The following SYN3 variants were observed in gnomAD, a reference collection of about 807,000 sequenced individuals.
SYN3 encodes synapsin-3.
In SYN3, 35 loss-of-function variants were observed where a neutral mutation model predicts 65.8. The ratio of observed to expected loss-of-function variants is 0.53; its 90% CI spans 0.41 to 0.70. The LOEUF (loss-of-function observed/expected upper bound fraction) is 0.70, where lower values mean the gene tolerates loss of function less well. Among genes scored for constraint, SYN3 ranks in the 30% least tolerant of loss-of-function variants. SYN3 has a pLI of 0.00. For missense variants in SYN3, 680 were observed against 749.0 expected, an observed-to-expected ratio of 0.91 and a Z score of 1.08; for synonymous variants, 270 against 292.9, an observed-to-expected ratio of 0.92 and a Z score of 0.80.
intron 13 of SYN3, among the ~76,000 whole-genome samples, chr22:32,514,812 C>T (rs1021629945): frequency 1.3e-5 from 2 of 152,144 alleles, no homozygotes; most frequent in African/African-American, 2.4e-5. Flanking sequence ...GTCAGGAGAT[C>T]GAGACCATCC....
intron 7 of SYN3, among the ~76,000 whole-genome samples, chr22:32,569,549 C>CAA (rs1569048181): frequency 0.011 from 663 of 60,044 alleles, 6 homozygotes; most frequent in African/African-American, 0.058. Context: ...CTCTCTCTCT[C>CAA]TCTCTCTCTC....
intron 7 of SYN3, among the ~76,000 whole-genome samples, chr22:32,553,886 C>T (rs2058452141): frequency 6.6e-6 from 1 of 152,262 alleles, no homozygotes; most frequent in African/African-American, 2.4e-5. Flanking sequence ...TACAGTTGGG[C>T]TGTATGGGAG....
intron 4 of SYN3, among the ~76,000 whole-genome samples, chr22:32,876,778 T>C (rs1253823961): frequency 1.3e-5 from 2 of 152,196 alleles, no homozygotes; most frequent in African/African-American, 4.8e-5. Flanking sequence ...TAAAGCACTG[T>C]AAAAATGACA....
At chr22:32,608,067 A>G (rs2059394330) in intron 6 of SYN3, among the ~76,000 whole-genome samples, 1 of 152,170 alleles carries the variant, frequency 6.6e-6, no homozygotes, top group African/African-American at 2.4e-5. Context: ...CCTTTTAAAA[A>G]AAGTATTTAT....
chr22:33,051,570 A>C (rs989087669), intron 1 of SYN3, among the ~76,000 whole-genome samples: 2 of 152,180 alleles, frequency 1.3e-5, no homozygotes, highest in Non-Finnish European at 2.9e-5. Flanking sequence ...CACAAACAAA[A>C]AAAAAATCAC....
intron 2 of SYN3, among the ~76,000 whole-genome samples, chr22:32,992,638 C>A (rs1165905420): frequency 6.6e-6 from 1 of 152,116 alleles, no homozygotes; most frequent in African/African-American, 2.4e-5. Context: ...TATAGTGGAA[C>A]CCCGTCCCTA....
intron 6 of SYN3, among the ~76,000 whole-genome samples, chr22:32,773,471 G>C (rs1272266192): frequency 1.3e-5 from 2 of 151,286 alleles, no homozygotes; most frequent in Admixed American, 6.6e-5. Context: ...AGCTTCAGTA[G>C]GTTCTTGCTG....
chr22:32,569,557 C>CTGTATA (rs1401047566), intron 7 of SYN3, among the ~76,000 whole-genome samples: 1 of 76,594 alleles, frequency 1.3e-5, no homozygotes, highest in African/African-American at 4.3e-5. Context: ...CTCTCTCTCT[C>CTGTATA]TCTCTCTCTC....
chr22:32,618,409 G>C (rs1304464136), intron 6 of SYN3, among the ~76,000 whole-genome samples: 1 of 152,166 alleles, frequency 6.6e-6, no homozygotes, highest in Non-Finnish European at 1.5e-5. Flanking sequence ...GTTTGTCTAT[G>C]AATGTGTCAG....
At chr22:32,599,644 C>T (rs971591753) in intron 6 of SYN3, among the ~76,000 whole-genome samples, 1 of 152,104 alleles carries the variant, frequency 6.6e-6, no homozygotes, top group Non-Finnish European at 1.5e-5. Context: ...TCTTGACTCT[C>T]CATCAAGCAC....
At chr22:32,615,078 G>A (rs976162772) in intron 6 of SYN3, among the ~76,000 whole-genome samples, 3 of 152,144 alleles carry the variant, frequency 2.0e-5, no homozygotes, top group Admixed American at 2.0e-4. Context: ...GTGCTGATGT[G>A]CGTTTAACTC....
intron 3 of SYN3, among the ~76,000 whole-genome samples, chr22:32,970,082 A>AC (rs2051971466): frequency 6.6e-6 from 1 of 152,232 alleles, no homozygotes; most frequent in Non-Finnish European, 1.5e-5. Flanking sequence ...GTGTTTAGTG[A>AC]CGTGAAGCTG....
At position 32,905,138 on chromosome 22, in the gene SYN3, G is replaced by T. The variant is rs149141723; in HGVS notation, c.461+26252C>A. ...TACTCTCACAAAAAAGCAATATTTT[G>T]TATGAGTCAGACACTGTCCCACATT... On this transcript the variant is annotated intron_variant, in intron 4 of 13. Coordinates refer to ENST00000358763, the MANE Select transcript of SYN3 (RefSeq NM_003490.4). 7.9e-4 allele frequency among the ~76,000 whole-genome samples: 120 copies of T among 152,280 alleles called. No homozygotes were observed. The Middle Eastern group carries it at 0.017, about 22-fold the overall frequency.
chr22:32,855,899 A>T (rs752383578), intron 6 of SYN3, among the ~76,000 whole-genome samples: 9 of 152,252 alleles, frequency 5.9e-5, no homozygotes, highest in Non-Finnish European at 1.0e-4. Flanking sequence ...TCTAACAATT[A>T]TAAAGTATTT....
At chr22:32,964,997 T>C (rs1468959211) in intron 3 of SYN3, among the ~76,000 whole-genome samples, 1 of 151,996 alleles carries the variant, frequency 6.6e-6, no homozygotes, top group Non-Finnish European at 1.5e-5. Context: ...ATTCAACAGA[T>C]GAGATAGAAA....
At chr22:32,671,823 G>C (rs988840479) in intron 6 of SYN3, among the ~76,000 whole-genome samples, 140 of 148,824 alleles carry the variant, frequency 9.4e-4, no homozygotes, top group African/African-American at 3.2e-3. Flanking sequence ...TGTGACACAG[G>C]TGCACACACA....
At chr22:32,599,139 G>A (rs75254651) in intron 6 of SYN3, among the ~76,000 whole-genome samples, 8,579 of 152,206 alleles carry the variant, frequency 0.056, 281 homozygotes, top group African/African-American at 0.075. Flanking sequence ...TGGATATCCA[G>A]TCTTGGTTCT....
At chr22:32,622,800 G>A (rs1349971799) in intron 6 of SYN3, among the ~76,000 whole-genome samples, 5 of 151,258 alleles carry the variant, frequency 3.3e-5, no homozygotes, top group Non-Finnish European at 7.4e-5. Flanking sequence ...TTCAAGCTTC[G>A]TTTTCTTAAA....
At chr22:32,863,657 T>C (rs1411267766) in intron 6 of SYN3, among the ~76,000 whole-genome samples, 1 of 152,188 alleles carries the variant, frequency 6.6e-6, no homozygotes, top group Non-Finnish European at 1.5e-5. Context: ...ACCCTTGTTT[T>C]AAAGCTACTC....
Sources: gnomAD v4.1 joint callset for allele counts (sites outside exome capture counted in the v4.1 genomes callset) on GRCh38, gnomAD v4.1.1 for gene constraint, MANE v1.5 for transcripts, NCBI Gene and HGNC (gene_info 2026-07-23, HGNC 2026-07-21) for gene names.